Variants in CPNE8 observed in about 807,000 individuals in gnomAD.
The protein encoded by CPNE8 is copine 8.
In CPNE8, 45 loss-of-function variants were observed where a neutral mutation model predicts 81.5. The observed-to-expected ratio is 0.55, with a 90% CI of 0.44 to 0.71. The LOEUF (loss-of-function observed/expected upper bound fraction) is 0.71, where lower values mean the gene tolerates loss of function less well. Ranked by LOEUF, CPNE8 falls within the 30% of genes least tolerant of loss-of-function variation. The pLI is 0.00. For synonymous variants in CPNE8, 252 were observed against 226.3 expected (o/e 1.11, Z -1.02); for missense variants, 594 against 672.1 (o/e 0.88, Z 1.28).
At chr12:38,835,534 A>G (rs781714975) in intron 5 of CPNE8, among the ~76,000 whole-genome samples, 17 of 152,154 alleles carry the variant, frequency 1.1e-4, no homozygotes, top group Non-Finnish European at 2.5e-4. Flanking sequence ...TGTCTTATTC[A>G]TTGCTATATT....
At chr12:38,873,135 C>G in intron 2 of CPNE8, 85 bp from the exon 3 acceptor site, 1 of 796,208 alleles carries the variant, frequency 1.3e-6, no homozygotes, top group Non-Finnish European at 2.0e-6. Context: ...TTCAGCTGTT[C>G]AAAAGCTACA....
chr12:38,662,207 G>C (rs561412652), intron 19 of CPNE8, among the ~76,000 whole-genome samples: 15 of 152,236 alleles, frequency 9.9e-5, no homozygotes, highest in Admixed American at 8.5e-4. Context: ...GAAAGCAAGA[G>C]ATTAAGTTAT....
intron 3 of CPNE8, among the ~76,000 whole-genome samples, chr12:38,864,781 GAGA>G (rs143986951): frequency 2.0e-3 from 305 of 152,212 alleles, no homozygotes; most frequent in African/African-American, 6.7e-3. Flanking sequence ...ATGGCCTTCA[GAGA>G]AGAAGATTTT....
At chr12:38,763,970 T>C (rs1440111017) in intron 8 of CPNE8, among the ~76,000 whole-genome samples, 1 of 152,100 alleles carries the variant, frequency 6.6e-6, no homozygotes, top group African/African-American at 2.4e-5. Context: ...GATAGAAACA[T>C]AATACTTTAT....
At chr12:38,739,740 A>C (rs761301338) in intron 10 of CPNE8, among the ~76,000 whole-genome samples, 3 of 152,184 alleles carry the variant, frequency 2.0e-5, no homozygotes, top group Non-Finnish European at 4.4e-5. Context: ...CTTTGAAGAA[A>C]ACTATTATCT....
At chr12:38,886,830 G>A (rs1393621661) in intron 1 of CPNE8, among the ~76,000 whole-genome samples, 8 of 152,180 alleles carry the variant, frequency 5.3e-5, no homozygotes, top group African/African-American at 1.9e-4. Flanking sequence ...CTTTACAAAA[G>A]AAGGTAGAGC....
intron 1 of CPNE8, among the ~76,000 whole-genome samples, chr12:38,880,845 A>G (rs1339807541): frequency 2.6e-5 from 4 of 152,060 alleles, no homozygotes; most frequent in African/African-American, 9.7e-5. Flanking sequence ...AGGAAAAAAT[A>G]TTTTTCCCAA....
intron 1 of CPNE8, among the ~76,000 whole-genome samples, chr12:38,877,015 G>A (rs1407848919): frequency 1.3e-5 from 2 of 152,140 alleles, no homozygotes; most frequent in Non-Finnish European, 2.9e-5. Flanking sequence ...ACTAAGCTGG[G>A]GCTCAGAGAA....
chr12:38,772,950 T>C (rs752716479), intron 7 of CPNE8, among the ~76,000 whole-genome samples: 6 of 150,932 alleles, frequency 4.0e-5, no homozygotes, highest in African/African-American at 1.2e-4. Flanking sequence ...CACACATATA[T>C]ATGTAAAACA....
intron 6 of CPNE8, among the ~76,000 whole-genome samples, chr12:38,813,055 T>C (rs1365592910): frequency 6.6e-6 from 1 of 152,164 alleles, no homozygotes; most frequent in Admixed American, 6.6e-5. Flanking sequence ...GAGCATAAGA[T>C]GTGTTTAGGA....
At chr12:38,722,787 T>C (rs1940598445) in intron 13 of CPNE8, among the ~76,000 whole-genome samples, 1 of 152,146 alleles carries the variant, frequency 6.6e-6, no homozygotes, top group Admixed American at 6.5e-5. Context: ...AAATCTCATC[T>C]CAAATTGTAA....
At chr12:38,812,114 G>GGTCT (rs767436296) in intron 6 of CPNE8, among the ~76,000 whole-genome samples, 1 of 152,148 alleles carries the variant, frequency 6.6e-6, no homozygotes, top group Non-Finnish European at 1.5e-5. Context: ...CAATAATCAT[G>GGTCT]GTCTGGCAGA....
chr12:38,874,342 T>G, intron 2 of CPNE8, 129 bp downstream of exon 2: 2 of 672,418 alleles, frequency 3.0e-6, no homozygotes, highest in South Asian at 3.2e-5. Context: ...TTGATGAGTA[T>G]GTAGGGCTTG....
chr12:38,893,855 T>C (rs978862481), intron 1 of CPNE8, among the ~76,000 whole-genome samples: 45 of 152,258 alleles, frequency 3.0e-4, no homozygotes, highest in Admixed American at 2.9e-3. Flanking sequence ...TCATTTTAAA[T>C]ACACTAGAGG....
rs767786187 is a variant in CPNE8, at chr12:38,776,318, A to G, written c.408-17T>C. ...GGAATTCCTCTAAAACAACAAAAAT[A>G]TATTTATATACATTAATATGTTATA... On this transcript the variant is annotated splice_polypyrimidine_tract_variant and intron_variant, in intron 6 of 19. Coordinates refer to ENST00000331366, the MANE Select transcript of CPNE8 (RefSeq NM_153634.3). 8.4e-7 allele frequency: 1 copy of G among 1,197,380 alleles called. No homozygotes were observed. The highest frequency in any genetic ancestry group is 1.9e-5 in the Admixed American group (1 of 52,862). The allele number at this position is 1,197,380 out of a possible 1,614,324, so 74.2% of individuals were successfully genotyped here. A position where few individuals can be genotyped will look rare whatever the true frequency, so the allele number is the denominator to read the frequency against.
At chr12:38,685,704 AC>A in intron 15 of CPNE8, 87 bp from the exon 16 acceptor site, 1 of 1,315,762 alleles carries the variant, frequency 7.6e-7, no homozygotes, top group South Asian at 1.4e-5. Context: ...TGAGAATAAT[AC>A]ACGTTGACAC....
intron 3 of CPNE8, among the ~76,000 whole-genome samples, chr12:38,849,331 G>A (rs747604913): frequency 6.6e-6 from 1 of 152,130 alleles, no homozygotes; most frequent in Non-Finnish European, 1.5e-5. Flanking sequence ...CAATGTGAAA[G>A]AAGGCCATTT....
intron 6 of CPNE8, among the ~76,000 whole-genome samples, chr12:38,783,836 C>G (rs1942107288): frequency 6.6e-6 from 1 of 152,164 alleles, no homozygotes; most frequent in Admixed American, 6.5e-5. Context: ...AAAGTAGATA[C>G]AGTTTAGATC....
At chr12:38,735,510 TC>T in intron 10 of CPNE8, among the ~76,000 whole-genome samples, 1 of 152,152 alleles carries the variant, frequency 6.6e-6, no homozygotes, top group East Asian at 1.9e-4. Context: ...GTATTAGCTC[TC>T]TCTGATTTTG....
Sources: gnomAD v4.1 joint callset for allele counts (sites outside exome capture counted in the v4.1 genomes callset) on GRCh38, gnomAD v4.1.1 for gene constraint, MANE v1.5 for transcripts, NCBI Gene and HGNC (gene_info 2026-07-23, HGNC 2026-07-21) for gene names.